The following MYLIP variants were observed in gnomAD, a reference collection of about 807,000 sequenced individuals.
The protein encoded by MYLIP is E3 ubiquitin-protein ligase MYLIP.
A neutral mutation model predicts 45.8 loss-of-function variants in MYLIP; 26 were observed. That is an observed-to-expected ratio of 0.57 (90% CI 0.42 to 0.79). The LOEUF (loss-of-function observed/expected upper bound fraction) is 0.79, where lower values mean the gene tolerates loss of function less well. Ranked by LOEUF, MYLIP falls within the 30% of genes least tolerant of loss-of-function variation. The pLI, the probability that MYLIP is intolerant of heterozygous loss-of-function variation, is 0.00. For missense variants in MYLIP, 494 were observed against 555.6 expected, an observed-to-expected ratio of 0.89 and a Z score of 1.11; for synonymous variants, 213 against 218.1, an observed-to-expected ratio of 0.98 and a Z score of 0.21.
intron 6 of MYLIP, 28 bp from the exon 7 acceptor site, chr6:16,146,634 A>G: frequency 6.3e-7 from 1 of 1,589,448 alleles, no homozygotes; most frequent in Non-Finnish European, 8.6e-7. Flanking sequence ...TTGCATGCTA[A>G]CAGAGACTGT....
the MYLIP span, among the ~76,000 whole-genome samples, chr6:16,156,449 G>T: frequency 6.6e-6 from 1 of 152,230 alleles, no homozygotes; most frequent in Non-Finnish European, 1.5e-5. Context: ...TGGCAGGAGA[G>T]TGAAGGTGGT....
chr6:16,151,705 A>G (rs184677571), downstream of MYLIP, among the ~76,000 whole-genome samples: 81 of 152,354 alleles, frequency 5.3e-4, no homozygotes, highest in African/African-American at 1.9e-3. Context: ...GATATTAAAG[A>G]GTTAGCCCTA....
downstream of MYLIP, among the ~76,000 whole-genome samples, chr6:16,149,584 T>C (rs1759853932): frequency 6.6e-6 from 1 of 152,192 alleles, no homozygotes; most frequent in African/African-American, 2.4e-5. Context: ...ACATGTGATG[T>C]AGAGTCACAG....
At chr6:16,141,836 T>C (rs138189082) in intron 3 of MYLIP, 26 bp downstream of exon 3, 125 of 1,577,028 alleles carry the variant, frequency 7.9e-5, no homozygotes, top group Middle Eastern at 1.7e-4. Context: ...ATAGTATTGT[T>C]TACAACTAGA....
downstream of MYLIP, chr6:16,148,279 T>C (rs1759836090): frequency 1.3e-5 from 2 of 152,572 alleles, no homozygotes; most frequent in South Asian, 4.1e-4. Context: ...TTTAAGCCAG[T>C]TTTATTTCAT....
At chr6:16,136,607 G>C (rs1221462166) in intron 2 of MYLIP, among the ~76,000 whole-genome samples, 1 of 152,116 alleles carries the variant, frequency 6.6e-6, no homozygotes, top group Non-Finnish European at 1.5e-5. Context: ...GAGTGGAATA[G>C]CTGGGTCATG....
chr6:16,138,086 G>A (rs995328850), intron 2 of MYLIP, among the ~76,000 whole-genome samples: 1 of 152,150 alleles, frequency 6.6e-6, no homozygotes, highest in Non-Finnish European at 1.5e-5. Flanking sequence ...TTTAAAAGGT[G>A]CAGTTTGAGC....
the MYLIP span, among the ~76,000 whole-genome samples, chr6:16,162,165 A>G: frequency 1.3e-5 from 2 of 152,242 alleles, no homozygotes; most frequent in African/African-American, 4.8e-5. Flanking sequence ...GGCCTCCTTA[A>G]GAAGTAAAAT....
chr6:16,150,877 G>A (rs1759869589), downstream of MYLIP, among the ~76,000 whole-genome samples: 1 of 152,124 alleles, frequency 6.6e-6, no homozygotes, highest in Non-Finnish European at 1.5e-5. Flanking sequence ...GTCACAGGAT[G>A]AGCTCGAATG....
At chr6:16,155,820 G>A in the MYLIP span, among the ~76,000 whole-genome samples, 9,555 of 152,194 alleles carry the variant, frequency 0.063, 957 homozygotes, top group African/African-American at 0.21. Flanking sequence ...GACAGCTTAA[G>A]TATTAAACAG....
chr6:16,161,564 G>A, the MYLIP span, among the ~76,000 whole-genome samples: 50 of 152,268 alleles, frequency 3.3e-4, 1 homozygote, highest in South Asian at 9.5e-3. Context: ...ATATCAAGCC[G>A]TTTTTAATCC....
At chr6:16,143,589 C>T (rs1217435455) in intron 4 of MYLIP, 110 bp from the exon 5 acceptor site, 26 of 1,095,190 alleles carry the variant, frequency 2.4e-5, no homozygotes, top group East Asian at 2.2e-4. Context: ...CCAGAGGAAG[C>T]GTCTGATTTT....
the MYLIP span, among the ~76,000 whole-genome samples, chr6:16,160,091 T>C: frequency 1.3e-5 from 2 of 152,206 alleles, no homozygotes; most frequent in East Asian, 3.8e-4. Flanking sequence ...CCCTCCCTCT[T>C]ACTTGTTTCT....
At chr6:16,149,729 C>G (rs537978528), downstream of MYLIP, among the ~76,000 whole-genome samples, 21 of 152,338 alleles carry the variant, frequency 1.4e-4, no homozygotes, top group South Asian at 2.1e-4. Flanking sequence ...AGAAAGAGAA[C>G]AGTGGCAGAG....
At chr6:16,162,698 C>T in the MYLIP span, among the ~76,000 whole-genome samples, 5 of 146,494 alleles carry the variant, frequency 3.4e-5, no homozygotes, top group Non-Finnish European at 3.0e-5. Context: ...TGCCTATAAT[C>T]CCGGCACTTT....
the MYLIP span, among the ~76,000 whole-genome samples, chr6:16,155,110 G>A: frequency 1.3e-5 from 2 of 152,070 alleles, no homozygotes; most frequent in Non-Finnish European, 2.9e-5. Context: ...AAGCTCTAGG[G>A]AAAGAACAAG....
rs1759797578 is a variant in MYLIP, at chr6:16,146,647, G to A, written c.1249-15G>A. 1.2e-6 allele frequency: 2 copies of A among 1,600,694 alleles called. No individual in the cohort carries two copies. Among genetic ancestry groups the A allele is most frequent in the African/African-American group, 1.3e-5 (1 of 74,694 alleles). ...GCTTGCATGCTAACAGAGACTGTTG[G>A]CTTTTCTTTCCCAGTCATGTCCCGT... On this transcript the variant is annotated splice_polypyrimidine_tract_variant and intron_variant, in intron 6 of 6. Transcript: ENST00000356840.
chr6:16,142,272 A>G (rs1371729040), intron 3 of MYLIP, among the ~76,000 whole-genome samples: 1 of 152,274 alleles, frequency 6.6e-6, no homozygotes, highest in African/African-American at 2.4e-5. Context: ...TTTTATTTGA[A>G]AAATATGTAA....
intron 2 of MYLIP, among the ~76,000 whole-genome samples, chr6:16,132,848 T>G (rs1759483856): frequency 6.6e-6 from 1 of 152,230 alleles, no homozygotes; most frequent in South Asian, 2.1e-4. Context: ...GAATATAAAA[T>G]AGGTCTGTTT....
Sources: allele counts gnomAD v4.1 joint callset (sites outside exome capture counted in the v4.1 genomes callset), GRCh38; gene constraint gnomAD v4.1.1; transcripts MANE v1.5; gene names NCBI Gene and HGNC (gene_info 2026-07-23, HGNC 2026-07-21).